The following UGT2A1 variants were observed in gnomAD, a reference collection of about 807,000 sequenced individuals.
The protein encoded by UGT2A1 is UDP-glucuronosyltransferase 2A1.
A neutral mutation model predicts 45.4 loss-of-function variants in UGT2A1; 61 were observed. The ratio of observed to expected loss-of-function variants is 1.34; its 90% CI spans 1.09 to 1.66. The LOEUF (loss-of-function observed/expected upper bound fraction) is 1.66. Among genes scored for constraint, UGT2A1 ranks in the 40% most tolerant of loss-of-function variants. The probability of loss-of-function intolerance (pLI) is 0.00; values close to 1 mark genes in which losing one functional copy is unlikely to be tolerated. For synonymous variants in UGT2A1, 229 were observed against 196.2 expected (o/e 1.17, Z -1.40); for missense variants, 649 against 574.3 (o/e 1.13, Z -1.33).
intron 1 of UGT2A1, among the ~76,000 whole-genome samples, chr4:69,651,622 T>C (rs1016971939): frequency 5.3e-5 from 8 of 152,180 alleles, no homozygotes; most frequent in African/African-American, 1.9e-4. Flanking sequence ...TCACACTGCC[T>C]CTCTAAAAAT....
chr4:69,621,632 C>G (rs1408237564), intron 3 of UGT2A1, among the ~76,000 whole-genome samples: 1 of 151,762 alleles, frequency 6.6e-6, no homozygotes, highest in Admixed American at 6.6e-5. Flanking sequence ...ACCATTAAAC[C>G]CAGCAATCCC....
chr4:69,608,523 C>A (rs1719823032), intron 3 of UGT2A1, among the ~76,000 whole-genome samples: 1 of 151,322 alleles, frequency 6.6e-6, no homozygotes, highest in Admixed American at 6.6e-5. Flanking sequence ...ATGTAACTAA[C>A]CTGCACGTTG....
At chr4:69,592,820 A>G (rs1718666260) in intron 6 of UGT2A1, among the ~76,000 whole-genome samples, 1 of 152,118 alleles carries the variant, frequency 6.6e-6, no homozygotes. Flanking sequence ...AAAAAAATTA[A>G]TTTCTGAAAA....
At position 69,604,695 on chromosome 4, in the gene UGT2A1, A is replaced by T. The variant is rs1466000714; in HGVS notation, c.848-5301T>A. ...AAACCCATCTCACGTGAAGAGACAC[A>T]CATAGGCTCAAAATAAAGTGATGGA... On this transcript the variant is annotated intron_variant, in intron 3 of 6. Coordinates refer to ENST00000286604, the MANE Select transcript of UGT2A1 (RefSeq NM_001252275.3). Among the ~76,000 whole-genome samples, 10 of 136,960 alleles carry T rather than the reference A, an allele frequency of 7.3e-5. 1 individual carries two copies. Among genetic ancestry groups the T allele is most frequent in the Non-Finnish European group, 1.6e-4 (10 of 64,370 alleles). The allele number at this position is 136,960 out of a possible 152,430, so 89.9% of individuals were successfully genotyped here.
intron 2 of UGT2A1, among the ~76,000 whole-genome samples, chr4:69,638,020 G>A (rs1336734222): frequency 6.6e-6 from 1 of 150,580 alleles, no homozygotes; most frequent in Non-Finnish European, 1.5e-5. Flanking sequence ...AGGAAGGAAG[G>A]AAAGAAGGAA....
intron 3 of UGT2A1, among the ~76,000 whole-genome samples, chr4:69,613,333 A>G (rs1484575792): frequency 6.6e-6 from 1 of 151,994 alleles, no homozygotes; most frequent in East Asian, 1.9e-4. Flanking sequence ...GAGGTAAAGC[A>G]GTGATAAAAA....
At chr4:69,597,448 T>G (rs1034954272) in intron 4 of UGT2A1, among the ~76,000 whole-genome samples, 2 of 152,198 alleles carry the variant, frequency 1.3e-5, no homozygotes, top group Non-Finnish European at 2.9e-5. Flanking sequence ...AAATCTGAGA[T>G]TAAGGCCTTT....
At chr4:69,648,011 G>C (rs1345954706) in intron 1 of UGT2A1, among the ~76,000 whole-genome samples, 2 of 151,560 alleles carry the variant, frequency 1.3e-5, no homozygotes, top group African/African-American at 4.8e-5. Context: ...TCTACATTCA[G>C]GCCTAGGTAT....
At position 69,589,474 on chromosome 4, in the gene UGT2A1, G is replaced by GA; in HGVS notation, c.1481dup (p.Leu496AlafsTer24). On this transcript the variant is annotated frameshift_variant, in exon 7 of 7. Coordinates refer to ENST00000286604, the MANE Select transcript of UGT2A1 (RefSeq NM_001252275.3). LOFTEE classifies it high-confidence loss of function. ...TAGCCGTTGTCACACAGACCAGCAA[G>GA]AACCCAATTACATCCAAAGAGTGGT... 1 of 1,614,026 alleles carries GA rather than the reference G, an allele frequency of 6.2e-7. No homozygotes were observed. The highest frequency in any genetic ancestry group is 8.5e-7 in the Non-Finnish European group (1 of 1,180,018).
intron 3 of UGT2A1, among the ~76,000 whole-genome samples, chr4:69,631,726 T>C (rs184699750): frequency 3.9e-5 from 6 of 152,246 alleles, no homozygotes; most frequent in African/African-American, 1.4e-4. Context: ...AGAACAACTG[T>C]AGCCACTACA....
chr4:69,611,564 G>GTATTTCTA (rs1560477866), intron 3 of UGT2A1, among the ~76,000 whole-genome samples: 4 of 151,992 alleles, frequency 2.6e-5, no homozygotes, highest in African/African-American at 9.7e-5. Flanking sequence ...CTCCAAATCT[G>GTATTTCTA]TGTGTTAGCA....
At chr4:69,625,967 C>T (rs1027055330) in intron 3 of UGT2A1, among the ~76,000 whole-genome samples, 1 of 151,496 alleles carries the variant, frequency 6.6e-6, no homozygotes, top group Non-Finnish European at 1.5e-5. Context: ...TAAAGATACT[C>T]AATAACCACA....
chr4:69,637,557 C>T (rs1301134890), intron 2 of UGT2A1, among the ~76,000 whole-genome samples: 3 of 152,110 alleles, frequency 2.0e-5, no homozygotes, highest in African/African-American at 4.8e-5. Flanking sequence ...CTGACTTTCA[C>T]TTCCCTCAGG....
chr4:69,645,486 G>A (rs999663861), intron 2 of UGT2A1, among the ~76,000 whole-genome samples: 3 of 151,734 alleles, frequency 2.0e-5, no homozygotes, highest in African/African-American at 4.8e-5. Flanking sequence ...CTATGTGGAT[G>A]TTGCCTGTAA....
chr4:69,610,489 A>G (rs1719968432), intron 3 of UGT2A1, among the ~76,000 whole-genome samples: 1 of 152,142 alleles, frequency 6.6e-6, no homozygotes, highest in Non-Finnish European at 1.5e-5. Context: ...ACCAATTAAT[A>G]TTATGCACCC....
At chr4:69,601,235 T>C (rs1719269796) in intron 3 of UGT2A1, among the ~76,000 whole-genome samples, 1 of 152,096 alleles carries the variant, frequency 6.6e-6, no homozygotes. Flanking sequence ...AGAGCTTCCC[T>C]CTGATCCTCA....
In UGT2A1 at chr4:69,647,167, C is replaced by T. The variant is rs1237176746; in HGVS notation, c.478G>A (p.Ala160Thr). 5 of 1,612,940 alleles carry T rather than the reference C, an allele frequency of 3.1e-6. No homozygotes were observed. Among genetic ancestry groups the T allele is most frequent in the African/African-American group, 2.7e-5 (2 of 74,830 alleles). Residue 160 changes from alanine to threonine, a missense_variant, in exon 2 of 7, where the codon GCT (alanine) becomes ACT (threonine). Coordinates refer to ENST00000286604, the MANE Select transcript of UGT2A1 (RefSeq NM_001252275.3). Reference sequence around the variant, plus strand: ...ATAAATGGAATTCCAAGTTTTAAAGCTACTATATCGCCACAAGGAAATACT... The same window carrying T: ...ATAAATGGAATTCCAAGTTTTAAAGTTACTATATCGCCACAAGGAAATACT... ...DPVFPCGDIV[A>T]LKLGIPFMYS...
At chr4:69,647,909 C>T (rs368277909) in intron 1 of UGT2A1, 1 of 283,876 alleles carries the variant, frequency 3.5e-6, no homozygotes, top group East Asian at 6.3e-5. Flanking sequence ...TCTAATCCTC[C>T]TTTTGAACTT....
intron 3 of UGT2A1, among the ~76,000 whole-genome samples, chr4:69,600,504 A>C (rs1166507435): frequency 6.6e-6 from 1 of 152,230 alleles, no homozygotes; most frequent in Non-Finnish European, 1.5e-5. Flanking sequence ...GGCCACAGGC[A>C]CAAGAGATGG....
Sources: allele counts gnomAD v4.1 joint callset (sites outside exome capture counted in the v4.1 genomes callset), GRCh38; gene constraint gnomAD v4.1.1; transcripts MANE v1.5; gene names NCBI Gene and HGNC (gene_info 2026-07-23, HGNC 2026-07-21).